Variants in CSMD1 observed in about 807,000 individuals in gnomAD.
CSMD1 encodes the protein CUB and sushi domain-containing protein 1.
CSMD1 carries 213 observed loss-of-function variants against 417.5 expected under a neutral mutation model. The observed-to-expected ratio is 0.51, with a 90% CI of 0.46 to 0.57. The LOEUF is 0.57. CSMD1 is among the 20% of genes least tolerant of loss of function. CSMD1 has a pLI of 0.00. For synonymous variants in CSMD1, 2,862 were observed against 1,736.8 expected, an observed-to-expected ratio of 1.65 and a Z score of -16.11; for missense variants, 6,923 against 4,529.7, an observed-to-expected ratio of 1.53 and a Z score of -15.17.
At chr8:3,500,173 G>A (rs76749104) in intron 10 of CSMD1, among the ~76,000 whole-genome samples, 6 of 152,236 alleles carry the variant, frequency 3.9e-5, no homozygotes, top group Admixed American at 2.0e-4. Context: ...CCATGCCTTA[G>A]AGGGTCTTCT....
chr8:3,448,753 A>G (rs1443145300), intron 12 of CSMD1, among the ~76,000 whole-genome samples: 1 of 152,188 alleles, frequency 6.6e-6, no homozygotes, highest in Non-Finnish European at 1.5e-5. Context: ...GGGATGCATT[A>G]CAGAGAAAAG....
At chr8:3,410,168 G>C (rs180783636) in intron 12 of CSMD1, among the ~76,000 whole-genome samples, 1 of 152,084 alleles carries the variant, frequency 6.6e-6, no homozygotes, top group Middle Eastern at 3.2e-3. Context: ...TAACATATGC[G>C]TCCAAATACA....
At chr8:3,979,152 C>G (rs1255541571) in intron 5 of CSMD1, among the ~76,000 whole-genome samples, 4 of 152,216 alleles carry the variant, frequency 2.6e-5, no homozygotes, top group Non-Finnish European at 5.9e-5. Context: ...GCCCTGATCA[C>G]ATTTTACAAC....
intron 5 of CSMD1, among the ~76,000 whole-genome samples, chr8:3,763,679 G>C (rs1346966303): frequency 6.6e-6 from 1 of 152,110 alleles, no homozygotes; most frequent in Non-Finnish European, 1.5e-5. Context: ...ACTGACACAA[G>C]TGCCTTTGTG....
chr8:3,939,154 C>T (rs1174826051), intron 5 of CSMD1, among the ~76,000 whole-genome samples: 1 of 151,996 alleles, frequency 6.6e-6, no homozygotes, highest in Non-Finnish European at 1.5e-5. Flanking sequence ...GAGAATAAAC[C>T]AATCTAACAT....
intron 5 of CSMD1, among the ~76,000 whole-genome samples, chr8:3,990,261 T>C (rs1814644204): frequency 6.6e-6 from 1 of 152,214 alleles, no homozygotes. Flanking sequence ...GACTTCTTTT[T>C]TCATTGCCTA....
At chr8:4,713,355 T>C (rs534433038) in intron 1 of CSMD1, among the ~76,000 whole-genome samples, 1 of 151,322 alleles carries the variant, frequency 6.6e-6, no homozygotes, top group African/African-American at 2.4e-5. Context: ...CTTTTATCTT[T>C]TTATTAGTCA....
intron 7 of CSMD1, among the ~76,000 whole-genome samples, chr8:3,621,345 T>G (rs578139325): frequency 2.3e-4 from 35 of 152,220 alleles, no homozygotes; most frequent in African/African-American, 8.4e-4. Context: ...GAGACTCACT[T>G]TAGGCGTAAG....
intron 25 of CSMD1, among the ~76,000 whole-genome samples, chr8:3,287,830 C>T (rs138511401): frequency 0.023 from 3,511 of 151,066 alleles, 166 homozygotes; most frequent in African/African-American, 0.081. Context: ...CCAGAACTTC[C>T]AACACTATGT....
intron 12 of CSMD1, among the ~76,000 whole-genome samples, chr8:3,443,408 G>A (rs1411224245): frequency 6.6e-6 from 1 of 152,104 alleles, no homozygotes; most frequent in African/African-American, 2.4e-5. Flanking sequence ...AAAAAAAATA[G>A]AGCCTAAAAC....
intron 2 of CSMD1, among the ~76,000 whole-genome samples, chr8:4,566,522 G>T (rs1051941638): frequency 6.6e-6 from 1 of 151,570 alleles, no homozygotes; most frequent in East Asian, 1.9e-4. Context: ...GCGTGGTGGC[G>T]GGCGCCTGCA....
At chr8:3,462,607 A>C (rs1461305780) in intron 12 of CSMD1, among the ~76,000 whole-genome samples, 1 of 152,176 alleles carries the variant, frequency 6.6e-6, no homozygotes, top group Non-Finnish European at 1.5e-5. Context: ...AAACAAGCTC[A>C]GGGCTCCCAA....
Position 3,409,477 on chromosome 8 carries a change from C to G in CSMD1, c.1690G>C (p.Val564Leu). ...TGATTGTTCTGCTGACAGGTGATAACTCTCTCCCCCACCAGCTCAAAGGCC... is the reference window on the plus strand; with the variant it reads ...TGATTGTTCTGCTGACAGGTGATAAGTCTCTCCCCCACCAGCTCAAAGGCC... ...PAAFELVGERVITCQQNNQWS... is the reference protein window; with the variant it reads ...PAAFELVGERLITCQQNNQWS... Residue 564 changes from valine to leucine, a missense_variant, in exon 13 of 70, where the codon GTT (valine) becomes CTT (leucine). By Grantham distance (32) the Val-to-Leu change is conservative. Coordinates refer to ENST00000635120, the MANE Select transcript of CSMD1 (RefSeq NM_033225.6). 3 of 1,611,582 alleles carry G rather than the reference C, an allele frequency of 1.9e-6. No individual in the cohort carries two copies. Among genetic ancestry groups the G allele is most frequent in the Non-Finnish European group, 2.5e-6 (3 of 1,178,926 alleles).
intron 1 of CSMD1, among the ~76,000 whole-genome samples, chr8:4,817,588 G>A (rs1010614713): frequency 6.6e-6 from 1 of 152,170 alleles, no homozygotes; most frequent in Non-Finnish European, 1.5e-5. Flanking sequence ...TTTTGACTTT[G>A]CTCATGCAAT....
At chr8:4,623,251 G>A (rs1325989114) in intron 2 of CSMD1, among the ~76,000 whole-genome samples, 2 of 151,968 alleles carry the variant, frequency 1.3e-5, no homozygotes, top group African/African-American at 4.8e-5. Context: ...TAATATTATT[G>A]GTCATCAGGG....
chr8:4,089,486 T>C (rs1356381811), intron 3 of CSMD1, among the ~76,000 whole-genome samples: 2 of 152,278 alleles, frequency 1.3e-5, no homozygotes, highest in African/African-American at 2.4e-5. Context: ...TAATGAACCA[T>C]ATAAAAAAGT....
At chr8:3,874,382 C>T (rs1334288981) in intron 5 of CSMD1, among the ~76,000 whole-genome samples, 1 of 152,184 alleles carries the variant, frequency 6.6e-6, no homozygotes, top group Admixed American at 6.5e-5. Flanking sequence ...TAAAGACGTA[C>T]TTTTCAGTGA....
Position 4,522,396 on chromosome 8 carries a change from G to A in CSMD1, c.303-102331C>T, listed in dbSNP as rs968058299. Reference sequence around the variant, plus strand: ...ATGCCTTTATCAGCAGCGTTAAAACGGTATAATATAGTTATGTATCAGAAA... The same window carrying A: ...ATGCCTTTATCAGCAGCGTTAAAACAGTATAATATAGTTATGTATCAGAAA... On this transcript the variant is annotated intron_variant, in intron 2 of 69. Coordinates refer to ENST00000635120, the MANE Select transcript of CSMD1 (RefSeq NM_033225.6). Among the ~76,000 whole-genome samples the A allele has an allele frequency of 2.6e-5, 4 of 152,002 alleles. No individual in the cohort carries two copies. In the East Asian group the frequency reaches 5.8e-4, roughly 22 times the overall value.
chr8:4,752,840 T>A (rs1004762846), intron 1 of CSMD1, among the ~76,000 whole-genome samples: 1 of 152,134 alleles, frequency 6.6e-6, no homozygotes, highest in African/African-American at 2.4e-5. Context: ...GTTCCTGAAA[T>A]AACAAGTTGA....
Sources: gnomAD v4.1 joint callset for allele counts (sites outside exome capture counted in the v4.1 genomes callset) on GRCh38, gnomAD v4.1.1 for gene constraint, MANE v1.5 for transcripts, NCBI Gene and HGNC (gene_info 2026-07-23, HGNC 2026-07-21) for gene names.